PDZD8: variants seen among roughly 807,000 people sequenced by gnomAD.
PDZD8 encodes PDZ domain containing 8, also known as PDZ domain-containing protein 8.
In PDZD8, 14 loss-of-function variants were observed where a neutral mutation model predicts 85.8. That is an observed-to-expected ratio of 0.16 (90% confidence interval 0.11 to 0.26). The LOEUF is 0.26. Among genes scored for constraint, PDZD8 ranks in the 10% least tolerant of loss-of-function variants. The pLI is 1.00. For missense variants in PDZD8, 1,197 were observed against 1,424.3 expected (o/e 0.84, Z 2.57); for synonymous variants, 592 against 568.6 (o/e 1.04, Z -0.59).
At chr10:117,361,309 T>C (rs1465855987) in intron 1 of PDZD8, among the ~76,000 whole-genome samples, 2 of 152,142 alleles carry the variant, frequency 1.3e-5, no homozygotes, top group East Asian at 3.8e-4. Flanking sequence ...TTCTTACTAC[T>C]AGATTTTTAA....
chr10:117,339,139 A>G (rs1014830745), intron 2 of PDZD8, among the ~76,000 whole-genome samples: 31 of 12,408 alleles, frequency 2.5e-3, no homozygotes, highest in African/African-American at 4.0e-3. Flanking sequence ...AAAAAAAAAA[A>G]AAAAAAAAAA....
At chr10:117,336,311 T>A (rs1844514356) in intron 2 of PDZD8, among the ~76,000 whole-genome samples, 1 of 152,338 alleles carries the variant, frequency 6.6e-6, no homozygotes, top group Admixed American at 6.5e-5. Flanking sequence ...CTGTATCAGG[T>A]GAACTCATGA....
At chr10:117,368,730 G>A (rs1206443078) in intron 1 of PDZD8, among the ~76,000 whole-genome samples, 1 of 149,240 alleles carries the variant, frequency 6.7e-6, no homozygotes, top group African/African-American at 2.5e-5. Flanking sequence ...CACCAAACTC[G>A]AACAAAAAGG....
intron 3 of PDZD8, among the ~76,000 whole-genome samples, chr10:117,295,414 C>G (rs564709197): frequency 6.6e-6 from 1 of 152,244 alleles, no homozygotes; most frequent in African/African-American, 2.4e-5. Context: ...ACATTATACT[C>G]AACAATGGCA....
chr10:117,319,527 T>G (rs1273067841), intron 2 of PDZD8, among the ~76,000 whole-genome samples: 1 of 151,938 alleles, frequency 6.6e-6, no homozygotes, highest in Non-Finnish European at 1.5e-5. Flanking sequence ...AAAATAGTAC[T>G]TACCTCTGAG....
chr10:117,326,789 T>C (rs12265713), intron 2 of PDZD8, among the ~76,000 whole-genome samples: 22,632 of 152,158 alleles, frequency 0.15, 1,980 homozygotes, highest in East Asian at 0.41. Flanking sequence ...TTCTACCTAC[T>C]AGCTGAACAG....
At chr10:117,362,643 AT>A (rs1385475397) in intron 1 of PDZD8, among the ~76,000 whole-genome samples, 1 of 152,130 alleles carries the variant, frequency 6.6e-6, no homozygotes, top group Admixed American at 6.5e-5. Flanking sequence ...ACTCTGTAGT[AT>A]TAAAAAGTTC....
rs781059888 is a variant in PDZD8, at chr10:117,319,965, CTG to C, written c.996-993_996-992del. Reference sequence around the variant, plus strand: ...ACACATTAGAGAAATTTAAAAAAAACTGTGTCCGCAGGTTAAAGACCTCAAGC... The same window carrying C: ...ACACATTAGAGAAATTTAAAAAAAACTGTCCGCAGGTTAAAGACCTCAAGC... On this transcript the variant is annotated intron_variant, in intron 2 of 4. Coordinates refer to ENST00000334464, the MANE Select transcript of PDZD8 (RefSeq NM_173791.5). Among the ~76,000 whole-genome samples the C allele has an allele frequency of 4.1e-4, 62 of 151,904 alleles. 1 individual carries two copies. The highest frequency in any genetic ancestry group is 8.1e-4 in the Non-Finnish European group (55 of 67,906).
intron 1 of PDZD8, among the ~76,000 whole-genome samples, chr10:117,367,832 A>T (rs988294767): frequency 6.6e-6 from 1 of 152,078 alleles, no homozygotes; most frequent in African/African-American, 2.4e-5. Context: ...AGGCAGGAGA[A>T]CTGCTTGAAC....
chr10:117,333,126 A>ACAAAC lies in PDZD8; in HGVS notation c.995+7853_995+7854insGTTTG, dbSNP rs1554854835. Among the ~76,000 whole-genome samples, 60 of 140,770 alleles carry ACAAAC rather than the reference A, an allele frequency of 4.3e-4. 3 individuals are homozygous for ACAAAC. Among genetic ancestry groups the ACAAAC allele is most frequent in the African/African-American group, 1.5e-3 (56 of 36,486 alleles). 92.4% of individuals were successfully genotyped at this position (140,770 alleles called of 152,430 possible). On this transcript the variant is annotated intron_variant, in intron 2 of 4. Coordinates refer to ENST00000334464, the MANE Select transcript of PDZD8 (RefSeq NM_173791.5). ...AGAGTGGACTCTGTCTCAAAAAAAA[A>ACAAAC]AAAAAAAAAAAAAAAAAGGGGATAT...
At chr10:117,346,232 C>CAA (rs59338641) in intron 1 of PDZD8, among the ~76,000 whole-genome samples, 90 of 63,580 alleles carry the variant, frequency 1.4e-3, no homozygotes, top group Admixed American at 2.8e-3. Context: ...AAACTCCGTC[C>CAA]AAAAAAAAAA....
intron 3 of PDZD8, among the ~76,000 whole-genome samples, chr10:117,305,257 AC>A: frequency 1.3e-5 from 2 of 152,066 alleles, no homozygotes; most frequent in East Asian, 3.9e-4. Context: ...TACTAAAAAT[AC>A]GAAACTTAGC....
At chr10:117,350,424 T>C (rs12573009) in intron 1 of PDZD8, among the ~76,000 whole-genome samples, 34,828 of 150,728 alleles carry the variant, frequency 0.23, 4,666 homozygotes, top group East Asian at 0.43. Context: ...CACTACCACG[T>C]TCGGTTAATT....
At position 117,375,018 on chromosome 10, in the gene PDZD8, G is replaced by A. The variant is rs748578754; in HGVS notation, c.210C>T (p.Ser70=). 160 of 1,587,472 alleles carry A rather than the reference G, an allele frequency of 1.0e-4. No individual in the cohort carries two copies. The highest frequency in any genetic ancestry group is 9.4e-6 in the Non-Finnish European group (11 of 1,167,488). The change falls in exon 1 of 5, where the codon TCC becomes TCT. Residue 70 remains serine (S), a synonymous_variant. Transcript: ENST00000334464. ...TCGCGCCGCCCTCAGGGGCCGCTCC[G>A]GAGGGCTCCTCATCCCGGCCGCCGC... ...LYGGGRDEEP[S]GAAPEGGATP... is the part of the protein sequence containing the mutation.
chr10:117,354,221 T>G (rs1844854333), intron 1 of PDZD8, among the ~76,000 whole-genome samples: 1 of 152,212 alleles, frequency 6.6e-6, no homozygotes, highest in Non-Finnish European at 1.5e-5. Flanking sequence ...TTCCTTTTCT[T>G]AAAAAGAGTA....
rs147552370 is a variant in PDZD8, at chr10:117,352,992, T to A, written c.873-11890A>T. Among the ~76,000 whole-genome samples the A allele has an allele frequency of 1.7e-3, 261 of 152,248 alleles. 5 individuals carry two copies. Among genetic ancestry groups the A allele is most frequent in the African/African-American group, 5.8e-3 (243 of 41,552 alleles). On this transcript the variant is annotated intron_variant, in intron 1 of 4. Transcript: ENST00000334464. ...TCCTGTGCGCCAAATTGCTTCTGGG[T>A]GGAGCCACAGGAGTGGGGTTGTAAT...
In PDZD8 at chr10:117,284,939, T is replaced by G; in HGVS notation, c.1794A>C (p.Lys598Asn). The change falls in exon 5 of 5, where the codon AAA (lysine) becomes AAC (asparagine). Residue 598 changes from lysine (K) to asparagine (N), a missense_variant. Around this residue, in one of 4 missense-constraint regions of PDZD8, gnomAD observed 263 missense variants for 261.9 expected, o/e 1.00. Coordinates refer to ENST00000334464, the MANE Select transcript of PDZD8 (RefSeq NM_173791.5). The part of the protein sequence containing the change: ...KPPVPPRPQA[K>N]VPLPSADAPN... ...GAGCATCGGCGGAAGGCAAAGGAAC[T>G]TTCGCTTGTGGTCGTGGTGGCACAG... 6.2e-7 allele frequency: 1 copy of G among 1,614,190 alleles called. No homozygotes were observed. The highest frequency in any genetic ancestry group is 8.5e-7 in the Non-Finnish European group (1 of 1,180,024).
Position 117,375,135 on chromosome 10 carries a change from G to T in PDZD8, c.93C>A (p.Pro31=). ...AQFFLLYRRQ[P]EPPADEAARA... ...GGGCGGCCTCGTCCGCCGGCGGCTC[G>T]GGCTGTCTGCGGTACAGCAGGAAGA... Residue 31 remains proline (P), a synonymous_variant, in exon 1 of 5, where the codon CCC becomes CCA. Coordinates refer to ENST00000334464, the MANE Select transcript of PDZD8 (RefSeq NM_173791.5). The T allele has an allele frequency of 6.3e-7, 1 of 1,590,246 alleles. No homozygotes were observed. The highest frequency in any genetic ancestry group is 1.3e-5 in the African/African-American group (1 of 74,644).
intron 3 of PDZD8, among the ~76,000 whole-genome samples, chr10:117,292,935 T>C (rs1844796154): frequency 6.6e-6 from 1 of 152,032 alleles, no homozygotes; most frequent in African/African-American, 2.4e-5. Flanking sequence ...CTGGTTTTTG[T>C]TTCCTTTTAA....
Sources: allele counts gnomAD v4.1 joint callset (sites outside exome capture counted in the v4.1 genomes callset), GRCh38; gene constraint gnomAD v4.1.1; regional missense constraint gnomAD v4.1.1; transcripts MANE v1.5; gene names NCBI Gene and HGNC (gene_info 2026-07-23, HGNC 2026-07-21).